The following MGST1 variants were observed in gnomAD, a reference collection of about 807,000 sequenced individuals.
MGST1 encodes the protein microsomal glutathione S-transferase 1.
Under a neutral mutation model 8.9 loss-of-function variants are expected in MGST1, and 5 were observed. That is an observed-to-expected ratio of 0.56 (90% CI 0.29 to 1.19). The LOEUF (loss-of-function observed/expected upper bound fraction) is 1.19. Ranked by LOEUF, MGST1 falls within the 50% of genes most tolerant of loss-of-function variation. MGST1 has a pLI of 0.08. For missense variants in MGST1, 182 were observed against 187.4 expected (o/e 0.97, Z 0.17); for synonymous variants, 54 against 67.8 (o/e 0.80, Z 1.00).
intron 1 of MGST1, among the ~76,000 whole-genome samples, chr12:16,402,608 A>G (rs1021613892): frequency 6.6e-6 from 1 of 152,138 alleles, no homozygotes; most frequent in African/African-American, 2.4e-5. Flanking sequence ...GTTGTGTTAT[A>G]TAAGTGCAGT....
At chr12:16,588,476 A>T (rs1943391717) in intron 4 of MGST1, among the ~76,000 whole-genome samples, 1 of 152,112 alleles carries the variant, frequency 6.6e-6, no homozygotes, top group Non-Finnish European at 1.5e-5. Flanking sequence ...ATAATGCTTT[A>T]CAAGGCCATA....
At chr12:16,581,701 G>A (rs1351045951) in intron 4 of MGST1, among the ~76,000 whole-genome samples, 2 of 151,794 alleles carry the variant, frequency 1.3e-5, no homozygotes. Context: ...TATCTAGCAG[G>A]GAAGAACAGA....
In MGST1 at chr12:16,391,139, C is replaced by CT. The variant is rs71054812; in HGVS notation, n.778+7549dup. On this transcript the variant is annotated intron_variant and non_coding_transcript_variant, in intron 1 of 1. Coordinates refer to the MGST1 transcript ENST00000359720. ...AAATGTCTATGTCCTTTGCCCACTT[C>CT]TTTTTTTTTTTTTTCAATTTTACTT... 6.7e-3 allele frequency among the ~76,000 whole-genome samples: 932 copies of CT among 139,080 alleles called. 12 individuals carry two copies. Among genetic ancestry groups the CT allele is most frequent in the African/African-American group, 0.022 (811 of 37,530 alleles). The allele number at this position is 139,080 out of a possible 152,430, so 91.2% of individuals were successfully genotyped here. A position where few individuals can be genotyped will look rare whatever the true frequency, so the allele number is the denominator to read the frequency against.
At chr12:16,447,143 C>T (rs1354184860) in intron 4 of MGST1, among the ~76,000 whole-genome samples, 3 of 151,926 alleles carry the variant, frequency 2.0e-5, no homozygotes, top group Non-Finnish European at 4.4e-5. Context: ...TCCCTGCAGT[C>T]CTTGTCAAGT....
Position 16,503,199 on chromosome 12 carries a change from G to A in MGST1, n.483-86329G>A, listed in dbSNP as rs1295091242. ...CCCCCTTTTTGTTTCTTCTCTTATT[G>A]TTATTCCCCACAATAGTTTGGGTTG... On this transcript the variant is annotated intron_variant and non_coding_transcript_variant, in intron 4 of 4. Transcript: ENST00000538857. This position sits in a 1 kb window ranked among gnomAD's most constrained non-coding sequence, Gnocchi z 4.8. 2.0e-5 allele frequency among the ~76,000 whole-genome samples: 3 copies of A among 147,796 alleles called. No homozygotes were observed. Among genetic ancestry groups the A allele is most frequent in the Non-Finnish European group, 4.5e-5 (3 of 67,074 alleles).
At chr12:16,443,860 G>A (rs1249940885) in intron 4 of MGST1, among the ~76,000 whole-genome samples, 1 of 151,860 alleles carries the variant, frequency 6.6e-6, no homozygotes, top group Non-Finnish European at 1.5e-5. Flanking sequence ...CACAGACAAT[G>A]GTACTGACTG....
Position 16,587,681 on chromosome 12 carries a change from C to T in MGST1, n.483-1847C>T, listed in dbSNP as rs1239973509. 5.3e-5 allele frequency among the ~76,000 whole-genome samples: 8 copies of T among 151,574 alleles called. No homozygotes were observed. Among genetic ancestry groups the T allele is most frequent in the Admixed American group, 2.0e-4 (3 of 15,186 alleles). ...CTGTCAGGAGTGCATTTTAACAGCA[C>T]GACACAAGTATTTTTCACTACAGGA... On this transcript the variant is annotated intron_variant and non_coding_transcript_variant, in intron 4 of 4. Coordinates refer to the MGST1 transcript ENST00000538857. This position sits in a 1 kb window ranked among gnomAD's most constrained non-coding sequence, Gnocchi z 4.3.
rs909034810 is a variant in MGST1 at position 16,431,569 on chromosome 12, G to A, written n.779-5819G>A. On this transcript the variant is annotated intron_variant and non_coding_transcript_variant, in intron 1 of 1. Coordinates refer to the MGST1 transcript ENST00000359720. ...AGGGATATGGGGAGATGGCTCACAG[G>A]TGGAGCAATCAGAACCCACAGTACA... Among the ~76,000 whole-genome samples the A allele has an allele frequency of 1.3e-4, 20 of 152,024 alleles. 1 individual carries two copies. The highest frequency in any genetic ancestry group is 4.8e-4 in the African/African-American group (20 of 41,398).
rs1323336310 is a variant in MGST1, at chr12:16,354,239, C to A, written c.-14C>A. The A allele has an allele frequency of 2.6e-6, 4 of 1,566,456 alleles. No individual in the cohort carries two copies. Among genetic ancestry groups the A allele is most frequent in the Non-Finnish European group, 2.6e-6 (3 of 1,160,502 alleles). On this transcript the variant is annotated 5_prime_UTR_variant, in exon 2 of 4. Transcript: ENST00000396210. ...ATTTAAATCTTTTTAAGATTCCAGA[C>A]CAAAATTGAAAAAATGGTTGACCTC... is the stretch of plus-strand genomic sequence containing the variant.
intron 1 of MGST1, among the ~76,000 whole-genome samples, chr12:16,436,856 A>G (rs1409017134): frequency 6.6e-6 from 1 of 152,004 alleles, no homozygotes; most frequent in Non-Finnish European, 1.5e-5. Flanking sequence ...TATGCTCTTA[A>G]CCAGTCCACA....
chr12:16,442,123 T>C (rs1441589969), downstream of MGST1, among the ~76,000 whole-genome samples: 1 of 151,910 alleles, frequency 6.6e-6, no homozygotes, highest in Non-Finnish European at 1.5e-5. The surrounding 1 kb of genome is among the most constrained non-coding windows in gnomAD (Gnocchi z 4.5). Flanking sequence ...CTTGGTAAGT[T>C]GTCTGTTCCG....
At position 16,413,707 on chromosome 12, in the gene MGST1, C is replaced by A. The variant is rs1271537207; in HGVS notation, n.779-23681C>A. 6.6e-6 allele frequency among the ~76,000 whole-genome samples: 1 copy of A among 152,042 alleles called. No homozygotes were observed. The highest frequency in any genetic ancestry group is 1.5e-5 in the Non-Finnish European group (1 of 68,004). On this transcript the variant is annotated intron_variant and non_coding_transcript_variant, in intron 1 of 1. Transcript: ENST00000359720. This position sits in a 1 kb window ranked among gnomAD's most constrained non-coding sequence, Gnocchi z 4.0. ...GGTTATCCCTTCTTTTTGGGATAAACCACTATAGTTTGTATTCTAGCATTT... is the reference window on the plus strand; with the variant it reads ...GGTTATCCCTTCTTTTTGGGATAAAACACTATAGTTTGTATTCTAGCATTT...
At chr12:16,388,554 A>G (rs1940524441) in intron 1 of MGST1, among the ~76,000 whole-genome samples, 1 of 152,190 alleles carries the variant, frequency 6.6e-6, no homozygotes, top group Non-Finnish European at 1.5e-5. Flanking sequence ...TGAAATATAC[A>G]CTTGCAGATA....
At chr12:16,451,953 A>C (rs1364835635) in intron 4 of MGST1, among the ~76,000 whole-genome samples, 1 of 151,894 alleles carries the variant, frequency 6.6e-6, no homozygotes, top group Non-Finnish European at 1.5e-5. Flanking sequence ...ATACTTAATA[A>C]GATTTGCATT....
intron 4 of MGST1, among the ~76,000 whole-genome samples, chr12:16,515,713 A>T (rs1435353148): frequency 6.6e-6 from 1 of 152,164 alleles, no homozygotes; most frequent in Non-Finnish European, 1.5e-5. Context: ...TCGGCAAAGA[A>T]TAGTGGAGAG....
intron 4 of MGST1, among the ~76,000 whole-genome samples, chr12:16,526,262 G>A (rs1346330640): frequency 6.6e-6 from 1 of 151,914 alleles, no homozygotes; most frequent in South Asian, 2.1e-4. Context: ...TTCTTCTAGG[G>A]TTTTTAGGAA....
intron 4 of MGST1, among the ~76,000 whole-genome samples, chr12:16,541,274 T>A (rs929964663): frequency 1.3e-5 from 2 of 152,168 alleles, no homozygotes; most frequent in African/African-American, 4.8e-5. Flanking sequence ...GAGGAAAAAC[T>A]TCATAGATTA....
intron 4 of MGST1, among the ~76,000 whole-genome samples, chr12:16,489,105 C>A (rs1941419941): frequency 6.6e-6 from 1 of 151,424 alleles, no homozygotes; most frequent in African/African-American, 2.4e-5. Context: ...GCAAGATCAC[C>A]ATCTCAAAAT....
Position 16,545,394 on chromosome 12 carries a change from A to G in MGST1, n.483-44134A>G, listed in dbSNP as rs77968649. 5.2e-3 allele frequency among the ~76,000 whole-genome samples: 787 copies of G among 152,228 alleles called. 9 individuals carry two copies. The highest frequency in any genetic ancestry group is 0.018 in the African/African-American group (737 of 41,574). On this transcript the variant is annotated intron_variant and non_coding_transcript_variant, in intron 4 of 4. Transcript: ENST00000538857. ...TTAAAGAGGACTGGTATGCTGCTAC[A>G]CACAGGGTGGGTGCCCACAGTTCTG...
Sources: allele counts gnomAD v4.1 joint callset (sites outside exome capture counted in the v4.1 genomes callset), GRCh38; gene constraint gnomAD v4.1.1; non-coding constraint Gnocchi (gnomAD v3.1); transcripts MANE v1.5; gene names NCBI Gene and HGNC (gene_info 2026-07-23, HGNC 2026-07-21).